Variants in FSTL4 observed in about 807,000 individuals in gnomAD.
FSTL4 encodes follistatin-related protein 4.
Under a neutral mutation model 78.2 loss-of-function variants are expected in FSTL4, and 28 were observed. That is an observed-to-expected ratio of 0.36 (90% confidence interval 0.27 to 0.49). FSTL4 has a LOEUF of 0.49. Ranked by LOEUF, FSTL4 falls within the 20% of genes least tolerant of loss-of-function variation. The pLI, the probability that FSTL4 is intolerant of heterozygous loss-of-function variation, is 0.98. For synonymous variants in FSTL4, 422 were observed against 440.5 expected (o/e 0.96, Z 0.53); for missense variants, 922 against 1,084.9 (o/e 0.85, Z 2.11).
the FSTL4 span, among the ~76,000 whole-genome samples, chr5:133,644,982 G>A: frequency 6.6e-6 from 1 of 151,930 alleles, no homozygotes; most frequent in Non-Finnish European, 1.5e-5. Context: ...GTTCTCATAG[G>A]GCTCTGTGAA....
the FSTL4 span, among the ~76,000 whole-genome samples, chr5:133,809,984 T>C: frequency 6.6e-6 from 1 of 152,194 alleles, no homozygotes; most frequent in African/African-American, 2.4e-5. Flanking sequence ...GCTTGGGATA[T>C]AGACATTCAA....
chr5:133,296,247 A>G (rs1296022643), intron 6 of FSTL4, among the ~76,000 whole-genome samples: 1 of 152,166 alleles, frequency 6.6e-6, no homozygotes. Flanking sequence ...CCTTCAGAAT[A>G]TACCCATGAT....
chr5:133,716,657 A>G, the FSTL4 span, among the ~76,000 whole-genome samples: 2 of 152,190 alleles, frequency 1.3e-5, no homozygotes, highest in South Asian at 4.1e-4. Context: ...TGGAAAAACC[A>G]TATTCATTAC....
At chr5:133,416,974 G>GT (rs1235995027) in intron 3 of FSTL4, among the ~76,000 whole-genome samples, 3 of 152,162 alleles carry the variant, frequency 2.0e-5, no homozygotes, top group Non-Finnish European at 2.9e-5. Context: ...TGTACTTGCA[G>GT]TTTTCCAATA....
the FSTL4 span, among the ~76,000 whole-genome samples, chr5:133,790,378 T>C: frequency 6.6e-6 from 1 of 152,176 alleles, no homozygotes; most frequent in African/African-American, 2.4e-5. Context: ...CTTCATTGGT[T>C]TGTGGTAGAG....
chr5:133,680,814 G>A, the FSTL4 span, among the ~76,000 whole-genome samples: 4 of 152,236 alleles, frequency 2.6e-5, no homozygotes, highest in Admixed American at 6.5e-5. Context: ...CAAGGACTTA[G>A]AGCATTGGGG....
the FSTL4 span, among the ~76,000 whole-genome samples, chr5:133,685,300 G>A: frequency 3.3e-5 from 5 of 152,286 alleles, no homozygotes; most frequent in South Asian, 1.0e-3. Flanking sequence ...TCGATTCAAG[G>A]TTTGTGCGCT....
At chr5:133,308,864 C>T (rs975979683) in intron 6 of FSTL4, among the ~76,000 whole-genome samples, 4 of 152,128 alleles carry the variant, frequency 2.6e-5, no homozygotes, top group Non-Finnish European at 4.4e-5. Context: ...GTGTGGTCAC[C>T]GGACCTTCAC....
chr5:133,473,237 A>G (rs559230965), intron 3 of FSTL4, among the ~76,000 whole-genome samples: 1 of 147,310 alleles, frequency 6.8e-6, no homozygotes, highest in Admixed American at 6.6e-5. Flanking sequence ...GAAAAGAAAA[A>G]AAAAATCAAT....
intron 3 of FSTL4, among the ~76,000 whole-genome samples, chr5:133,467,242 G>T (rs149887604): frequency 3.3e-4 from 50 of 149,362 alleles, no homozygotes; most frequent in African/African-American, 1.3e-3. Context: ...GCATGTGTGA[G>T]AATGAGTATA....
intron 3 of FSTL4, among the ~76,000 whole-genome samples, chr5:133,446,145 C>T (rs1757260453): frequency 6.6e-6 from 1 of 152,196 alleles, no homozygotes; most frequent in Admixed American, 6.5e-5. Context: ...CCACCAAAAC[C>T]TGCAGGCTCT....
intron 4 of FSTL4, among the ~76,000 whole-genome samples, chr5:133,365,549 G>A (rs530499102): frequency 5.8e-4 from 89 of 152,254 alleles, no homozygotes; most frequent in African/African-American, 1.5e-3. Flanking sequence ...ACCCCTGCAC[G>A]AGGCAGGATG....
At chr5:133,660,931 G>A in the FSTL4 span, among the ~76,000 whole-genome samples, 1 of 152,220 alleles carries the variant, frequency 6.6e-6, no homozygotes, top group African/African-American at 2.4e-5. Context: ...ATGGAAACAG[G>A]AGAGGAGCTC....
rs578072471 is a variant in FSTL4, at chr5:133,284,701, T to C, written c.727+27953A>G. Among the ~76,000 whole-genome samples the C allele has an allele frequency of 8.5e-5, 13 of 152,344 alleles. No individual in the cohort carries two copies. The South Asian group carries it at 2.7e-3, about 32-fold the overall frequency. On this transcript the variant is annotated intron_variant, in intron 6 of 15. Coordinates refer to ENST00000265342, the MANE Select transcript of FSTL4 (RefSeq NM_015082.2). The stretch of plus-strand genomic sequence containing the variant: ...AAGATTCAGGCATCCAAGATTTGGA[T>C]GAACCCCCACAGGCCAGTCTTCTTG...
At chr5:133,786,638 G>A in the FSTL4 span, among the ~76,000 whole-genome samples, 4 of 152,194 alleles carry the variant, frequency 2.6e-5, no homozygotes, top group Non-Finnish European at 5.9e-5. Flanking sequence ...CAGGGAGGGG[G>A]AATTCCCAAG....
At chr5:133,570,879 T>A (rs183368931) in intron 2 of FSTL4, among the ~76,000 whole-genome samples, 3 of 152,132 alleles carry the variant, frequency 2.0e-5, no homozygotes, top group Non-Finnish European at 2.9e-5. Context: ...AAACAGAATA[T>A]AATATTCTAG....
At chr5:133,285,821 A>G (rs936022374) in intron 6 of FSTL4, among the ~76,000 whole-genome samples, 4 of 152,166 alleles carry the variant, frequency 2.6e-5, no homozygotes, top group Admixed American at 6.5e-5. Flanking sequence ...ACTTTCCATA[A>G]ACCTCAGGAT....
intron 2 of FSTL4, among the ~76,000 whole-genome samples, chr5:133,580,014 C>T (rs1224987891): frequency 6.6e-6 from 1 of 152,140 alleles, no homozygotes. Flanking sequence ...GCTGAAAACA[C>T]CCAAAGTGGC....
the FSTL4 span, among the ~76,000 whole-genome samples, chr5:133,627,993 A>G: frequency 6.6e-6 from 1 of 152,190 alleles, no homozygotes; most frequent in African/African-American, 2.4e-5. Flanking sequence ...AAACCACACA[A>G]CTACATGGAA....
Sources: allele counts gnomAD v4.1 joint callset (sites outside exome capture counted in the v4.1 genomes callset), GRCh38; gene constraint gnomAD v4.1.1; transcripts MANE v1.5; gene names NCBI Gene and HGNC (gene_info 2026-07-23, HGNC 2026-07-21).